TJP3: variants seen among roughly 807,000 people sequenced by gnomAD.
TJP3 encodes the protein tight junction protein ZO-3.
TJP3 carries 85 observed loss-of-function variants against 104.2 expected under a neutral mutation model. The observed-to-expected ratio is 0.82, with a 90% confidence interval of 0.68 to 0.98. The LOEUF is 0.98. TJP3 is among the 50% of genes least tolerant of loss of function. The pLI, the probability that TJP3 is intolerant of heterozygous loss-of-function variation, is 0.00. For synonymous variants in TJP3, 550 were observed against 550.6 expected (o/e 1.00, Z 0.02); for missense variants, 1,367 against 1,322.8 (o/e 1.03, Z -0.52).
rs1161218619 is a variant in TJP3, at chr19:3,731,980, C to G, written c.659C>G (p.Thr220Arg). The G allele has an allele frequency of 1.2e-6, 2 of 1,613,772 alleles. No individual in the cohort carries two copies. The highest frequency in any genetic ancestry group is 1.3e-5 in the African/African-American group (1 of 75,028). The change falls in exon 6 of 21, where the codon ACA (threonine) becomes AGA (arginine). Residue 220 changes from threonine (T) to arginine (R), a missense_variant. By Grantham distance (71) the Thr-to-Arg change is moderately conservative. Transcript: ENST00000541714. ...AGTCAGATCTTCATCAAGCACATTACAGATTCGGGCCTGGCTGCCCGGCAC... is the reference window on the plus strand; with the variant it reads ...AGTCAGATCTTCATCAAGCACATTAGAGATTCGGGCCTGGCTGCCCGGCAC... ...LGSQIFIKHI[T>R]DSGLAARHRG... is the part of the protein sequence containing the mutation.
intron 11 of TJP3, among the ~76,000 whole-genome samples, chr19:3,737,998 G>A (rs1002506172): frequency 6.6e-6 from 1 of 152,078 alleles, no homozygotes; most frequent in Non-Finnish European, 1.5e-5. Flanking sequence ...GCAGGTGGCT[G>A]TATATTGCTG....
intron 1 of TJP3, among the ~76,000 whole-genome samples, chr19:3,724,610 C>A (rs1167351570): frequency 1.3e-5 from 2 of 152,190 alleles, no homozygotes; most frequent in Admixed American, 1.3e-4. Flanking sequence ...GATCACAATT[C>A]ACTGCAGCCT....
intron 15 of TJP3, 50 bp downstream of exon 15, chr19:3,744,084 CTG>C (rs2036855698): frequency 2.5e-6 from 4 of 1,568,840 alleles, no homozygotes; most frequent in Non-Finnish European, 3.5e-6. Context: ...AGTTTCACAA[CTG>C]TTTTTTTGTG....
chr19:3,723,827 AT>A (rs1394507441), intron 1 of TJP3, among the ~76,000 whole-genome samples: 1 of 148,476 alleles, frequency 6.7e-6, no homozygotes, highest in Non-Finnish European at 1.5e-5. Flanking sequence ...ATATATATAT[AT>A]AAAATAATAA....
At chr19:3,718,848 T>A (rs2036516258) in intron 1 of TJP3, among the ~76,000 whole-genome samples, 1 of 151,992 alleles carries the variant, frequency 6.6e-6, no homozygotes, top group Non-Finnish European at 1.5e-5. Flanking sequence ...GAATGATGTG[T>A]TTTTCTCACG....
rs1427232066 is a variant in TJP3, at chr19:3,738,976, G to A, written c.1473G>A (p.Pro491=). 8.7e-6 allele frequency: 14 copies of A among 1,613,074 alleles called. No homozygotes were observed. The highest frequency in any genetic ancestry group is 3.3e-4 in the Middle Eastern group (2 of 6,080). The change falls in exon 13 of 21, where the codon CCG becomes CCA. Residue 491 remains proline (P), a synonymous_variant. Transcript: ENST00000541714. ...RTHFELEPSP[P]SGLGFTRGDV... is the part of the protein sequence containing the mutation. ...ACTTTGAGCTGGAGCCCAGTCCACC[G>A]TCTGGCCTGGGCTTCACCCGTGGCG...
Position 3,727,483 on chromosome 19 carries a change from CAA to C in TJP3, c.-9-923_-9-922del, listed in dbSNP as rs36057859. On this transcript the variant is annotated intron_variant, in intron 1 of 20. Coordinates refer to ENST00000541714, the MANE Select transcript of TJP3 (RefSeq NM_001267560.2). ...GGGCAACAAGAGCGAAACTCTGTCTCAAAAAAAAAAAAAAAAAAAGAGATAGT... is the reference window on the plus strand; with the variant it reads ...GGGCAACAAGAGCGAAACTCTGTCTCAAAAAAAAAAAAAAAAAGAGATAGT... Among the ~76,000 whole-genome samples, 67 of 86,604 alleles carry C rather than the reference CAA, an allele frequency of 7.7e-4. 1 individual carries two copies. The highest frequency in any genetic ancestry group is 9.9e-4 in the East Asian group (3 of 3,026). 56.8% of individuals were successfully genotyped at this position (86,604 alleles called of 152,430 possible).
chr19:3,739,733 G>T (rs2036787285), intron 13 of TJP3, among the ~76,000 whole-genome samples: 1 of 152,164 alleles, frequency 6.6e-6, no homozygotes, highest in Admixed American at 6.6e-5. Flanking sequence ...GGCTCCAGGA[G>T]AAAACCAATT....
intron 8 of TJP3, among the ~76,000 whole-genome samples, chr19:3,734,674 G>T (rs920324757): frequency 6.6e-6 from 1 of 152,188 alleles, no homozygotes; most frequent in Non-Finnish European, 1.5e-5. Flanking sequence ...TCTGCCTTAG[G>T]CCAGGTGCGG....
At chr19:3,738,295 T>A (rs1275939177) in intron 11 of TJP3, among the ~76,000 whole-genome samples, 1 of 152,226 alleles carries the variant, frequency 6.6e-6, no homozygotes, top group Non-Finnish European at 1.5e-5. Flanking sequence ...GATTTGGTTA[T>A]CTGAGGACAA....
intron 1 of TJP3, among the ~76,000 whole-genome samples, chr19:3,723,797 G>GAAAA (rs71339060): frequency 1.3e-3 from 159 of 125,754 alleles, no homozygotes; most frequent in African/African-American, 2.7e-3. Flanking sequence ...TGTCTCAAAA[G>GAAAA]AAAAAAAAAA....
At chr19:3,749,781 G>A in intron 19 of TJP3, 1 of 303,854 alleles carries the variant, frequency 3.3e-6, no homozygotes, top group Non-Finnish European at 6.1e-6. Flanking sequence ...TGATTTTCCT[G>A]GGGTTGTGCA....
chr19:3,733,837 G>A lies in TJP3; in HGVS notation c.802G>A (p.Val268Met). Residue 268 changes from valine to methionine, a missense_variant, in exon 7 of 21, where the codon GTG (valine) becomes ATG (methionine). Physicochemically the swap from Val to Met is conservative, Grantham distance 21. Coordinates refer to ENST00000541714, the MANE Select transcript of TJP3 (RefSeq NM_001267560.2). ...GTCAGAAGGGAAGCTAAGCCTGCTGGTGCTGAGAGATCGTGGGCAGTTCCT... is the reference window on the plus strand; with the variant it reads ...GTCAGAAGGGAAGCTAAGCCTGCTGATGCTGAGAGATCGTGGGCAGTTCCT... ...EKSEGKLSLL[V>M]LRDRGQFLVN... The A allele has an allele frequency of 1.2e-6, 2 of 1,614,232 alleles. No individual in the cohort carries two copies. Among genetic ancestry groups the A allele is most frequent in the South Asian group, 2.2e-5 (2 of 91,088 alleles).
chr19:3,719,402 T>G (rs2036521506), intron 1 of TJP3, among the ~76,000 whole-genome samples: 1 of 151,908 alleles, frequency 6.6e-6, no homozygotes, highest in Non-Finnish European at 1.5e-5. Context: ...CAACCTTCAG[T>G]GAGTCTGGGG....
At chr19:3,718,018 A>T (rs546620113) in intron 1 of TJP3, among the ~76,000 whole-genome samples, 10 of 151,566 alleles carry the variant, frequency 6.6e-5, no homozygotes, top group African/African-American at 1.7e-4. Flanking sequence ...GTTTGAGACC[A>T]TCCTGGCTAA....
rs199881940 is a variant in TJP3, at chr19:3,735,594, T to A, written c.1015T>A (p.Ser339Thr). 7 of 1,614,176 alleles carry A rather than the reference T, an allele frequency of 4.3e-6. No homozygotes were observed. In the Admixed American group the frequency reaches 1.2e-4, roughly 27 times the overall value. The change falls in exon 9 of 21, where the codon TCA becomes ACA. Residue 339 changes from serine (S) to threonine (T), a missense_variant. By Grantham distance (58) the Ser-to-Thr change is moderately conservative (BLOSUM62 1). Transcript: ENST00000541714. ...GAGTCCCCGGCTTCGGCGGGAAAGT[T>A]CAGTAGATTCCAGAACCATCTCGGA... ...VESPRLRRES[S>T]VDSRTISEPD... is the part of the protein sequence containing the mutation.
chr19:3,730,932 C>T lies in TJP3; in HGVS notation c.613+226C>T, dbSNP rs140142397. Among the ~76,000 whole-genome samples the T allele has an allele frequency of 6.6e-3, 1,003 of 152,282 alleles. 10 individuals carry two copies. Among genetic ancestry groups the T allele is most frequent in the African/African-American group, 0.023 (946 of 41,554 alleles). The stretch of plus-strand genomic sequence containing the variant: ...TTGACCTCAGGTGATTCACCCACCT[C>T]GGCCTCCCATAGTGCTTGCTGGGAT... On this transcript the variant is annotated intron_variant, in intron 5 of 20. Coordinates refer to ENST00000541714, the MANE Select transcript of TJP3 (RefSeq NM_001267560.2). This position sits in a 1 kb window ranked among gnomAD's most constrained non-coding sequence, Gnocchi z 7.3.
At chr19:3,750,559 C>A (rs774159235) in intron 20 of TJP3, 23 bp from the exon 21 acceptor site, 2 of 1,567,162 alleles carry the variant, frequency 1.3e-6, no homozygotes, top group Non-Finnish European at 1.7e-6. Flanking sequence ...CCCACAGCAT[C>A]TATTCTATTT....
rs775181828 is a variant in TJP3 at position 3,750,690 on chromosome 19, C to A, written c.*6C>A. The A allele has an allele frequency of 3.1e-6, 5 of 1,590,036 alleles. No individual in the cohort carries two copies. In the South Asian group the frequency reaches 5.7e-5, roughly 18 times the overall value. On this transcript the variant is annotated 3_prime_UTR_variant, in exon 21 of 21. Coordinates refer to ENST00000541714, the MANE Select transcript of TJP3 (RefSeq NM_001267560.2). ...GTCCGGCCACTGACCTGTGACCTCT[C>A]GAAGGCTGCCAGCTGGTCCGTCCTC...
Sources: allele counts gnomAD v4.1 joint callset (sites outside exome capture counted in the v4.1 genomes callset), GRCh38; gene constraint gnomAD v4.1.1; non-coding constraint Gnocchi (gnomAD v3.1); transcripts MANE v1.5; gene names NCBI Gene and HGNC (gene_info 2026-07-23, HGNC 2026-07-21).